Variants in GRID2 observed in about 807,000 individuals in gnomAD.
GRID2 encodes glutamate ionotropic receptor delta type subunit 2.
Under a neutral mutation model 114.8 loss-of-function variants are expected in GRID2, and 33 were observed. The observed-to-expected ratio is 0.29, with a 90% CI of 0.22 to 0.38. The LOEUF is 0.38. Among genes scored for constraint, GRID2 ranks in the 10% least tolerant of loss-of-function variants. The pLI, the probability that GRID2 is intolerant of heterozygous loss-of-function variation, is 1.00. For missense variants in GRID2, 1,184 were observed against 1,257.7 expected, an observed-to-expected ratio of 0.94 and a Z score of 0.89; for synonymous variants, 505 against 449.9, an observed-to-expected ratio of 1.12 and a Z score of -1.55.
chr4:92,389,280 A>G (rs1730131898), intron 1 of GRID2, among the ~76,000 whole-genome samples: 1 of 152,082 alleles, frequency 6.6e-6, no homozygotes, highest in Admixed American at 6.6e-5. Flanking sequence ...CCTCATACAT[A>G]GCAGAGATGT....
At chr4:92,864,066 T>C (rs2149438338) in intron 2 of GRID2, among the ~76,000 whole-genome samples, 1 of 152,270 alleles carries the variant, frequency 6.6e-6, no homozygotes, top group African/African-American at 2.4e-5. Context: ...ATTAAACAGT[T>C]ACATAACGTG....
intron 14 of GRID2, among the ~76,000 whole-genome samples, chr4:93,740,568 T>C (rs974969826): frequency 1.3e-5 from 2 of 152,196 alleles, no homozygotes; most frequent in Non-Finnish European, 2.9e-5. Context: ...GCTGCTGGAG[T>C]TGCTGTAGCG....
At chr4:93,485,129 T>G (rs1489257107) in intron 11 of GRID2, among the ~76,000 whole-genome samples, 1 of 151,846 alleles carries the variant, frequency 6.6e-6, no homozygotes, top group East Asian at 1.9e-4. Flanking sequence ...GGCTGTGGAG[T>G]GGTATTTTTT....
intron 5 of GRID2, among the ~76,000 whole-genome samples, chr4:93,212,413 C>T (rs1335776203): frequency 2.0e-5 from 3 of 152,066 alleles, no homozygotes; most frequent in Non-Finnish European, 4.4e-5. Flanking sequence ...TGTAATCAAT[C>T]ATATGTTAGT....
At chr4:92,783,743 G>A (rs933956888) in intron 2 of GRID2, among the ~76,000 whole-genome samples, 6 of 151,870 alleles carry the variant, frequency 4.0e-5, no homozygotes, top group East Asian at 2.0e-4. Flanking sequence ...AAAATTAGCC[G>A]AGTGCCGTAC....
At chr4:93,395,855 A>G (rs1765281266) in intron 9 of GRID2, 147 bp downstream of exon 9, 4 of 498,292 alleles carry the variant, frequency 8.0e-6, no homozygotes, top group Admixed American at 3.5e-5. Flanking sequence ...GTCATATTTC[A>G]CAGCCTTCAA....
intron 1 of GRID2, among the ~76,000 whole-genome samples, chr4:92,535,195 T>C (rs1217600433): frequency 2.0e-5 from 3 of 152,178 alleles, no homozygotes; most frequent in African/African-American, 7.2e-5. Context: ...CAGATGTTTA[T>C]ATTTTAAGAA....
chr4:92,614,857 C>T (rs1049868065), intron 2 of GRID2, among the ~76,000 whole-genome samples: 1 of 150,776 alleles, frequency 6.6e-6, no homozygotes, highest in Admixed American at 6.6e-5. Flanking sequence ...AGATTTGCCT[C>T]GCATATTTAG....
Position 93,287,354 on chromosome 4 carries a change from G to A in GRID2, c.1245+48864G>A, listed in dbSNP as rs556897569. ...TTGTTTATCCAAGGCAACAGTGATAGTAGAAGAACTGGGAGCCTCACTTTA... is the reference window on the plus strand; with the variant it reads ...TTGTTTATCCAAGGCAACAGTGATAATAGAAGAACTGGGAGCCTCACTTTA... On this transcript the variant is annotated intron_variant, in intron 8 of 15. Coordinates refer to ENST00000282020, the MANE Select transcript of GRID2 (RefSeq NM_001510.4). Among the ~76,000 whole-genome samples, 4 of 152,308 alleles carry A rather than the reference G, an allele frequency of 2.6e-5. No homozygotes were observed. In the South Asian group the frequency reaches 8.3e-4, roughly 32 times the overall value.
At chr4:92,460,225 T>C (rs1269705176) in intron 1 of GRID2, among the ~76,000 whole-genome samples, 1 of 151,228 alleles carries the variant, frequency 6.6e-6, no homozygotes, top group African/African-American at 2.4e-5. Context: ...GACACAGATA[T>C]TGAGAAGGCA....
At chr4:92,666,650 G>GTTTTTTGTTTTTTTTTT (rs1286942855) in intron 2 of GRID2, among the ~76,000 whole-genome samples, 2 of 68,594 alleles carry the variant, frequency 2.9e-5, no homozygotes, top group African/African-American at 1.0e-4. Flanking sequence ...CTTAAGGGTT[G>GTTTTTTGTTTTTTTTTT]TTTTTTTTTT....
chr4:92,629,448 T>C (rs1459202725), intron 2 of GRID2, among the ~76,000 whole-genome samples: 2 of 152,092 alleles, frequency 1.3e-5, no homozygotes, highest in Non-Finnish European at 2.9e-5. Context: ...CTTCAAAATG[T>C]TTCACAGGCG....
chr4:93,721,855 A>G (rs1329202900), intron 14 of GRID2, among the ~76,000 whole-genome samples: 1 of 151,834 alleles, frequency 6.6e-6, no homozygotes, highest in African/African-American at 2.4e-5. Flanking sequence ...AAATTCTCTA[A>G]TTTCTAATTC....
At chr4:93,148,860 A>T (rs1473064938) in intron 4 of GRID2, among the ~76,000 whole-genome samples, 1 of 152,084 alleles carries the variant, frequency 6.6e-6, no homozygotes, top group African/African-American at 2.4e-5. Flanking sequence ...AGCAAGTAAT[A>T]TAGAAACATT....
At chr4:92,770,010 A>AT (rs1326276446) in intron 2 of GRID2, among the ~76,000 whole-genome samples, 1 of 152,170 alleles carries the variant, frequency 6.6e-6, no homozygotes, top group Non-Finnish European at 1.5e-5. Context: ...TTTCTATTGC[A>AT]TTGTTAGGCT....
intron 8 of GRID2, among the ~76,000 whole-genome samples, chr4:93,390,068 C>T (rs937914225): frequency 2.6e-5 from 4 of 152,152 alleles, no homozygotes; most frequent in East Asian, 3.9e-4. Flanking sequence ...GGACTACAGG[C>T]GTGAGCCACC....
intron 1 of GRID2, among the ~76,000 whole-genome samples, chr4:92,314,418 C>T (rs1725863439): frequency 6.6e-6 from 1 of 152,032 alleles, no homozygotes; most frequent in South Asian, 2.1e-4. Context: ...TTGTAAATTT[C>T]CTCTGAGTGC....
intron 8 of GRID2, among the ~76,000 whole-genome samples, chr4:93,390,515 G>A (rs1764748633): frequency 6.6e-6 from 1 of 152,160 alleles, no homozygotes; most frequent in African/African-American, 2.4e-5. Context: ...GCATTTGAGA[G>A]ATGAGAAAAC....
rs1313947371 is a variant in GRID2, at chr4:93,613,004, C to T, written c.2194-13265C>T. ...ACTCCCATATTTCTTGGAGGCTTTG[C>T]TCATTTCTTTTTATTCTTTTTTCTC... On this transcript the variant is annotated intron_variant, in intron 13 of 15. Coordinates refer to ENST00000282020, the MANE Select transcript of GRID2 (RefSeq NM_001510.4). 3.2e-4 allele frequency among the ~76,000 whole-genome samples: 44 copies of T among 139,254 alleles called. 1 individual carries two copies. Among genetic ancestry groups the T allele is most frequent in the African/African-American group, 1.1e-3 (43 of 37,638 alleles). The allele number at this position is 139,254 out of a possible 152,430, so 91.4% of individuals were successfully genotyped here. A position where few individuals can be genotyped will look rare whatever the true frequency, so the allele number is the denominator to read the frequency against.
Sources: allele counts gnomAD v4.1 joint callset (sites outside exome capture counted in the v4.1 genomes callset), GRCh38; gene constraint gnomAD v4.1.1; transcripts MANE v1.5; gene names NCBI Gene and HGNC (gene_info 2026-07-23, HGNC 2026-07-21).